TRAPPC9: variants seen among roughly 807,000 people sequenced by gnomAD.
The protein encoded by TRAPPC9 is trafficking protein particle complex subunit 9, also known as IKK2 binding protein.
TRAPPC9 carries 83 observed loss-of-function variants against 124.0 expected under a neutral mutation model. That is an observed-to-expected ratio of 0.67 (90% CI 0.56 to 0.80). The LOEUF is 0.80. Ranked by LOEUF, TRAPPC9 falls within the 30% of genes least tolerant of loss-of-function variation. The probability of loss-of-function intolerance (pLI) is 0.00; values close to 1 mark genes in which losing one functional copy is unlikely to be tolerated. For synonymous variants in TRAPPC9, 638 were observed against 617.5 expected, an observed-to-expected ratio of 1.03 and a Z score of -0.49; for missense variants, 1,302 against 1,508.3, an observed-to-expected ratio of 0.86 and a Z score of 2.27.
chr8:140,025,565 C>CAAAAAAAAAAA (rs11329773), intron 17 of TRAPPC9, among the ~76,000 whole-genome samples: 12 of 123,804 alleles, frequency 9.7e-5, no homozygotes, highest in East Asian at 4.8e-4. Flanking sequence ...AAGCAAAATG[C>CAAAAAAAAAAA]AAAAAAAAAA....
At chr8:139,753,485 C>T (rs1467274963) in intron 21 of TRAPPC9, among the ~76,000 whole-genome samples, 4 of 152,198 alleles carry the variant, frequency 2.6e-5, no homozygotes, top group African/African-American at 7.2e-5. Flanking sequence ...GCCGTTCATG[C>T]GTTTTACCGT....
chr8:140,076,118 G>A (rs1028257233), intron 17 of TRAPPC9, among the ~76,000 whole-genome samples: 9 of 152,214 alleles, frequency 5.9e-5, no homozygotes, highest in African/African-American at 1.9e-4. Flanking sequence ...ATGGAGAGAC[G>A]CAAGCTGTCC....
intron 17 of TRAPPC9, among the ~76,000 whole-genome samples, chr8:140,053,146 A>G (rs1340834956): frequency 1.3e-5 from 2 of 152,230 alleles, no homozygotes; most frequent in African/African-American, 4.8e-5. Flanking sequence ...GAAGGTAAGA[A>G]TCATCACAGG....
chr8:140,303,344 G>A (rs1267220227), intron 10 of TRAPPC9, among the ~76,000 whole-genome samples: 5 of 152,118 alleles, frequency 3.3e-5, no homozygotes, highest in Non-Finnish European at 5.9e-5. Context: ...ACTGGAAATG[G>A]CACTGAAACT....
At chr8:140,069,958 G>A (rs1343030086) in intron 17 of TRAPPC9, among the ~76,000 whole-genome samples, 1 of 152,184 alleles carries the variant, frequency 6.6e-6, no homozygotes, top group Non-Finnish European at 1.5e-5. Flanking sequence ...AGCTCCAGGA[G>A]GGGAAGACAA....
intron 21 of TRAPPC9, among the ~76,000 whole-genome samples, chr8:139,734,981 T>C (rs540777857): frequency 1.3e-5 from 2 of 152,240 alleles, no homozygotes; most frequent in African/African-American, 4.8e-5. Context: ...CCACCTGCAC[T>C]GAGTCTGACC....
chr8:139,933,426 C>G (rs988819954), intron 19 of TRAPPC9: 3 of 152,264 alleles, frequency 2.0e-5, no homozygotes, highest in Non-Finnish European at 4.4e-5. Flanking sequence ...ACTCAGCGCA[C>G]AGCCTTGAAC....
chr8:140,449,770 C>T (rs1018359142), intron 2 of TRAPPC9, among the ~76,000 whole-genome samples: 4 of 152,208 alleles, frequency 2.6e-5, no homozygotes, highest in East Asian at 1.9e-4. Context: ...CCTGGCAATC[C>T]GGAGACGTGG....
chr8:140,442,059 T>A (rs956053884), intron 2 of TRAPPC9, among the ~76,000 whole-genome samples: 14 of 152,148 alleles, frequency 9.2e-5, no homozygotes, highest in Non-Finnish European at 2.1e-4. Flanking sequence ...AGTAAATTAT[T>A]ACATCTTCAC....
chr8:139,777,382 C>A lies in TRAPPC9; in HGVS notation c.3056-45180G>T, dbSNP rs183316029. Among the ~76,000 whole-genome samples, 217 of 152,232 alleles carry A rather than the reference C, an allele frequency of 1.4e-3. 1 individual carries two copies. The highest frequency in any genetic ancestry group is 5.0e-3 in the African/African-American group (209 of 41,522). ...TCCTTAGGTCTGGCTCCAAATAAGCCCCAGAGGGAACAGAGCGTGCCTGTT... is the reference window on the plus strand; with the variant it reads ...TCCTTAGGTCTGGCTCCAAATAAGCACCAGAGGGAACAGAGCGTGCCTGTT... On this transcript the variant is annotated intron_variant, in intron 21 of 22. Coordinates refer to ENST00000438773, the MANE Select transcript of TRAPPC9 (RefSeq NM_001160372.4).
chr8:140,252,729 C>T lies in TRAPPC9; in HGVS notation c.2431+48G>A. 6.2e-7 allele frequency: 1 copy of T among 1,605,412 alleles called. No homozygotes were observed. Among genetic ancestry groups the T allele is most frequent in the South Asian group, 1.1e-5 (1 of 90,994 alleles). On this transcript the variant is annotated intron_variant, in intron 16 of 22. Coordinates refer to ENST00000438773, the MANE Select transcript of TRAPPC9 (RefSeq NM_001160372.4). The surrounding 1 kb of genome is among the most constrained non-coding windows in gnomAD (Gnocchi z 4.2). Reference sequence around the variant, plus strand: ...GCATCAAGGGATGGGGGTTGCTACACAGTATCTAGGACCCTGACGTGCTAA... The same window carrying T: ...GCATCAAGGGATGGGGGTTGCTACATAGTATCTAGGACCCTGACGTGCTAA...
intron 8 of TRAPPC9, 58 bp downstream of exon 8, chr8:140,370,906 A>C (rs2068261791): frequency 1.3e-6 from 2 of 1,592,002 alleles, no homozygotes; most frequent in Non-Finnish European, 1.7e-6. Context: ...GGGCTGAAAC[A>C]GCATGTGACC....
At chr8:139,952,547 C>G (rs1270290168) in intron 19 of TRAPPC9, among the ~76,000 whole-genome samples, 1 of 152,174 alleles carries the variant, frequency 6.6e-6, no homozygotes. Context: ...TCCCCGGGAG[C>G]AGTGAACAAA....
chr8:139,952,595 A>T (rs1279197240), intron 19 of TRAPPC9, among the ~76,000 whole-genome samples: 1 of 152,144 alleles, frequency 6.6e-6, no homozygotes, highest in African/African-American at 2.4e-5. Context: ...AGGGAACAAG[A>T]GGATAGAAAA....
At chr8:140,285,024 C>T (rs556451070) in intron 13 of TRAPPC9, among the ~76,000 whole-genome samples, 1 of 152,356 alleles carries the variant, frequency 6.6e-6, no homozygotes, top group South Asian at 2.1e-4. Context: ...TAATTTAAGT[C>T]AGTCATTTTC....
intron 8 of TRAPPC9, among the ~76,000 whole-genome samples, chr8:140,366,987 T>C (rs540649082): frequency 6.4e-4 from 98 of 152,210 alleles, no homozygotes; most frequent in African/African-American, 2.4e-3. Context: ...CTCAACATCA[T>C]ATGTCATCAG....
At chr8:139,881,119 G>A (rs573654503) in intron 21 of TRAPPC9, 3 of 152,210 alleles carry the variant, frequency 2.0e-5, no homozygotes, top group South Asian at 2.1e-4. Context: ...GGGAAGAAAC[G>A]ACGTGGTGCT....
intron 12 of TRAPPC9, among the ~76,000 whole-genome samples, chr8:140,289,863 C>T (rs561626202): frequency 1.4e-4 from 21 of 152,326 alleles, no homozygotes; most frequent in African/African-American, 4.6e-4. Flanking sequence ...TCCTCCCGAG[C>T]GCACCTCGAG....
intron 21 of TRAPPC9, among the ~76,000 whole-genome samples, chr8:139,770,109 G>A (rs879481848): frequency 6.6e-6 from 1 of 152,250 alleles, no homozygotes; most frequent in Non-Finnish European, 1.5e-5. Context: ...CCAATCCCGA[G>A]TGCTGGTCTC....
Sources: gnomAD v4.1 joint callset for allele counts (sites outside exome capture counted in the v4.1 genomes callset) on GRCh38, gnomAD v4.1.1 for gene constraint, Gnocchi (gnomAD v3.1) non-coding constraint, MANE v1.5 for transcripts, NCBI Gene and HGNC (gene_info 2026-07-23, HGNC 2026-07-21) for gene names.